RAB30: variants seen among roughly 807,000 people sequenced by gnomAD.
RAB30 encodes ras-related protein Rab-30.
Under a neutral mutation model 25.1 loss-of-function variants are expected in RAB30, and 9 were observed. The ratio of observed to expected loss-of-function variants is 0.36; its 90% CI spans 0.22 to 0.63. The LOEUF (loss-of-function observed/expected upper bound fraction) is 0.63, where lower values mean the gene tolerates loss of function less well. RAB30 is among the 20% of genes least tolerant of loss of function. The probability of loss-of-function intolerance (pLI) is 0.69; values close to 1 mark genes in which losing one functional copy is unlikely to be tolerated. For missense variants in RAB30, 140 were observed against 243.5 expected (o/e 0.58, Z 2.83); for synonymous variants, 77 against 86.4 (o/e 0.89, Z 0.60).
chr11:82,998,667 G>C (rs1230186326), intron 1 of RAB30, among the ~76,000 whole-genome samples: 1 of 150,432 alleles, frequency 6.6e-6, no homozygotes, highest in Admixed American at 6.6e-5. Context: ...ACAGAGAAGA[G>C]ACAATGTCTG....
At chr11:82,987,956 A>AGG (rs1856773704) in intron 3 of RAB30, among the ~76,000 whole-genome samples, 186 bp from the exon 4 acceptor site, 3 of 149,874 alleles carry the variant, frequency 2.0e-5, no homozygotes, top group African/African-American at 7.3e-5. Flanking sequence ...AAAAAAAAAA[A>AGG]AATCTGTTGG....
At chr11:83,039,973 G>A (rs780212760) in intron 1 of RAB30, among the ~76,000 whole-genome samples, 1 of 152,048 alleles carries the variant, frequency 6.6e-6, no homozygotes, top group Non-Finnish European at 1.5e-5. Flanking sequence ...GGAGGGAAAG[G>A]GTAAGAAAAG....
At chr11:83,063,581 C>G (rs1177448525) in intron 1 of RAB30, among the ~76,000 whole-genome samples, 6 of 152,206 alleles carry the variant, frequency 3.9e-5, no homozygotes. Context: ...ACCACCATCA[C>G]AAAAACCAGC....
intron 1 of RAB30, among the ~76,000 whole-genome samples, chr11:83,020,342 CG>C (rs1417052100): frequency 2.0e-5 from 3 of 152,216 alleles, no homozygotes; most frequent in African/African-American, 4.8e-5. Flanking sequence ...GGGCCAAGCT[CG>C]GGCACTGTCA....
At chr11:83,039,238 G>A (rs1476793666) in intron 1 of RAB30, 1 of 152,114 alleles carries the variant, frequency 6.6e-6, no homozygotes. Flanking sequence ...TATTTCTTGA[G>A]TTCCTGCTAG....
chr11:83,039,111 TGAAA>T (rs1274313987), intron 1 of RAB30: 10 of 152,186 alleles, frequency 6.6e-5, no homozygotes, highest in African/African-American at 2.4e-4. Flanking sequence ...TTAGATAATT[TGAAA>T]GAAAGTTACC....
At chr11:83,025,178 A>C (rs1340512888) in intron 1 of RAB30, among the ~76,000 whole-genome samples, 2 of 152,252 alleles carry the variant, frequency 1.3e-5, no homozygotes, top group African/African-American at 2.4e-5. Context: ...TTTTAACAAC[A>C]AAATCAGCAA....
rs185616653 is a variant in RAB30 at position 83,036,928 on chromosome 11, C to T, written c.-9+34763G>A. On this transcript the variant is annotated intron_variant, in intron 1 of 4. Coordinates refer to ENST00000527633, the MANE Select transcript of RAB30 (RefSeq NM_001286060.2). ...GAACGGTTGAGATGACACAGGGCCT[C>T]GTTGACCATGGAAAACACTTTGAAT... is the stretch of plus-strand genomic sequence containing the variant. 3.9e-5 allele frequency among the ~76,000 whole-genome samples: 6 copies of T among 152,252 alleles called. No individual in the cohort carries two copies. In the East Asian group the frequency reaches 9.6e-4, roughly 24 times the overall value.
intron 1 of RAB30, among the ~76,000 whole-genome samples, chr11:83,009,716 C>G (rs187536848): frequency 1.3e-5 from 2 of 152,296 alleles, no homozygotes; most frequent in Admixed American, 1.3e-4. Flanking sequence ...TGTTAACCTA[C>G]TGAAGGCAGG....
Position 82,982,047 on chromosome 11 carries a change from G to A in RAB30, c.*118C>T, listed in dbSNP as rs1180764754. On this transcript the variant is annotated 3_prime_UTR_variant, in exon 5 of 5. Transcript: ENST00000527633. ...GGCCTGCCATGCTTTGTAAGCTCAG[G>A]AGCCCACAGGAGTCAGAAGGTCAGA... 1 of 1,388,902 alleles carries A rather than the reference G, an allele frequency of 7.2e-7. No individual in the cohort carries two copies. The highest frequency in any genetic ancestry group is 2.3e-5 in the East Asian group (1 of 43,528). The allele number at this position is 1,388,902 out of a possible 1,614,324, so 86.0% of individuals were successfully genotyped here.
chr11:83,039,863 C>A (rs1243134512), intron 1 of RAB30, among the ~76,000 whole-genome samples: 1 of 152,090 alleles, frequency 6.6e-6, no homozygotes, highest in Non-Finnish European at 1.5e-5. Flanking sequence ...CAATGGACTT[C>A]TCTGGAACTG....
chr11:83,047,299 T>TA (rs796467651), intron 1 of RAB30, among the ~76,000 whole-genome samples: 15 of 152,070 alleles, frequency 9.9e-5, no homozygotes, highest in African/African-American at 3.6e-4. Context: ...TTCCACCAAA[T>TA]AAAAAAATAC....
chr11:83,042,347 G>A (rs1379377709), intron 1 of RAB30, among the ~76,000 whole-genome samples: 1 of 151,946 alleles, frequency 6.6e-6, no homozygotes, highest in Non-Finnish European at 1.5e-5. Flanking sequence ...GAGCTCAGGA[G>A]TTCAAGACCA....
chr11:82,982,705 T>TA (rs1856664473), intron 4 of RAB30, among the ~76,000 whole-genome samples: 1 of 151,928 alleles, frequency 6.6e-6, no homozygotes, highest in African/African-American at 2.4e-5. Context: ...CTACTAAAAA[T>TA]ACAAAAATTA....
At chr11:83,002,386 T>C (rs183256262) in intron 1 of RAB30, among the ~76,000 whole-genome samples, 49 of 152,308 alleles carry the variant, frequency 3.2e-4, no homozygotes, top group Non-Finnish European at 6.3e-4. Flanking sequence ...CATTCATCCC[T>C]GTAACTAAGT....
chr11:83,039,267 A>G (rs1858052205), intron 1 of RAB30, among the ~76,000 whole-genome samples: 1 of 152,228 alleles, frequency 6.6e-6, no homozygotes, highest in Non-Finnish European at 1.5e-5. Flanking sequence ...TCAAGAAGCT[A>G]GGGTTACAGA....
chr11:83,051,828 T>C (rs1453876567), intron 1 of RAB30, among the ~76,000 whole-genome samples: 1 of 152,218 alleles, frequency 6.6e-6, no homozygotes, highest in Non-Finnish European at 1.5e-5. Flanking sequence ...ACCTTATTTA[T>C]CATACATAGC....
Position 83,063,621 on chromosome 11 carries a change from G to A in RAB30, c.-9+8070C>T, listed in dbSNP as rs145493534. On this transcript the variant is annotated intron_variant, in intron 1 of 4. Coordinates refer to ENST00000527633, the MANE Select transcript of RAB30 (RefSeq NM_001286060.2). The stretch of plus-strand genomic sequence containing the variant: ...ACTCCGTAGTTCAATTTTTGCCCCC[G>A]TTCTGTTCACCCTTCGCAACTAGCT... Among the ~76,000 whole-genome samples, 257 of 152,158 alleles carry A rather than the reference G, an allele frequency of 1.7e-3. 1 individual carries two copies. The highest frequency in any genetic ancestry group is 0.01 in the Middle Eastern group (3 of 294).
chr11:83,013,796 A>G (rs1590852793), intron 1 of RAB30, among the ~76,000 whole-genome samples: 1 of 152,342 alleles, frequency 6.6e-6, no homozygotes, highest in East Asian at 1.9e-4. Context: ...AAAGAGAACT[A>G]ACCTTTATTG....
Sources: gnomAD v4.1 joint callset for allele counts (sites outside exome capture counted in the v4.1 genomes callset) on GRCh38, gnomAD v4.1.1 for gene constraint, MANE v1.5 for transcripts, NCBI Gene and HGNC (gene_info 2026-07-23, HGNC 2026-07-21) for gene names.